KIF6: variants seen among roughly 807,000 people sequenced by gnomAD.
KIF6 encodes kinesin family member 6.
In KIF6, 106 loss-of-function variants were observed where a neutral mutation model predicts 112.7. The ratio of observed to expected loss-of-function variants is 0.94; its 90% CI spans 0.80 to 1.11. The LOEUF is 1.11. Among genes scored for constraint, KIF6 ranks in the 50% least tolerant of loss-of-function variants. KIF6 has a pLI of 0.00. For synonymous variants in KIF6, 339 were observed against 339.9 expected (o/e 1.00, Z 0.03); for missense variants, 929 against 964.0 (o/e 0.96, Z 0.48).
At chr6:39,725,050 C>G (rs1271140532) in intron 1 of KIF6, among the ~76,000 whole-genome samples, 195 bp downstream of exon 1, 2 of 152,186 alleles carry the variant, frequency 1.3e-5, no homozygotes, top group Non-Finnish European at 2.9e-5. Context: ...GCCTGGCTGT[C>G]GGTCGCGTAG....
intron 2 of KIF6, among the ~76,000 whole-genome samples, chr6:39,717,045 G>C (rs564570211): frequency 1.3e-5 from 2 of 152,168 alleles, no homozygotes; most frequent in South Asian, 4.2e-4. Context: ...TTTCTTGCCT[G>C]GTATCTCTTG....
intron 5 of KIF6, among the ~76,000 whole-genome samples, chr6:39,620,812 A>G (rs954782263): frequency 5.9e-5 from 9 of 151,768 alleles, no homozygotes; most frequent in African/African-American, 2.2e-4. Flanking sequence ...ACTGTTGCCC[A>G]GGCTGAAGTG....
chr6:39,695,228 A>G (rs1402387337), intron 3 of KIF6, among the ~76,000 whole-genome samples: 1 of 152,196 alleles, frequency 6.6e-6, no homozygotes, highest in Non-Finnish European at 1.5e-5. Context: ...AAGAAAACCT[A>G]GGAAATACCC....
intron 19 of KIF6, among the ~76,000 whole-genome samples, chr6:39,351,229 C>CTT (rs200524823): frequency 1.8e-5 from 1 of 54,326 alleles, no homozygotes; most frequent in Non-Finnish European, 4.2e-5. Context: ...TCTTTTCTTT[C>CTT]TTTTTTTTTT....
intron 13 of KIF6, among the ~76,000 whole-genome samples, chr6:39,515,387 T>C (rs17457401): frequency 0.46 from 70,193 of 152,102 alleles, 19,494 homozygotes; most frequent in African/African-American, 0.78. Flanking sequence ...TGTACCCACA[T>C]GAACTTGGCC....
chr6:39,522,592 G>A (rs1209010539), intron 13 of KIF6, among the ~76,000 whole-genome samples: 2 of 152,160 alleles, frequency 1.3e-5, no homozygotes, highest in Non-Finnish European at 1.5e-5. Flanking sequence ...CACTCTCTGA[G>A]ACTGCTTTGG....
chr6:39,592,772 T>C (rs1782025649), intron 7 of KIF6, among the ~76,000 whole-genome samples: 2 of 152,202 alleles, frequency 1.3e-5, no homozygotes, highest in South Asian at 2.1e-4. Context: ...AAACCAACCA[T>C]ACTCTGGCAA....
intron 6 of KIF6, among the ~76,000 whole-genome samples, chr6:39,599,462 T>C (rs1466524904): frequency 6.6e-6 from 1 of 152,166 alleles, no homozygotes; most frequent in Non-Finnish European, 1.5e-5. Context: ...TGGCATAGTT[T>C]TGGTGATGAT....
chr6:39,525,579 A>C (rs879744646), intron 13 of KIF6, among the ~76,000 whole-genome samples: 47 of 151,904 alleles, frequency 3.1e-4, no homozygotes, highest in Non-Finnish European at 5.6e-4. Flanking sequence ...ACATGGCAAA[A>C]CCCCGTCTCT....
At chr6:39,474,791 G>T (rs1175521409) in intron 13 of KIF6, among the ~76,000 whole-genome samples, 1 of 152,240 alleles carries the variant, frequency 6.6e-6, no homozygotes. Context: ...TGGATAAGTG[G>T]CAAGCCTCAT....
At position 39,398,673 on chromosome 6, in the gene KIF6, G is replaced by A. The variant is rs149398630; in HGVS notation, c.1811-13001C>T. Among the ~76,000 whole-genome samples, 130 of 152,322 alleles carry A rather than the reference G, an allele frequency of 8.5e-4. 1 individual carries two copies. The highest frequency in any genetic ancestry group is 2.9e-3 in the African/African-American group (121 of 41,576). On this transcript the variant is annotated intron_variant, in intron 15 of 22. Transcript: ENST00000287152. ...AGGTGCTTCTAAGTAAGAGTTAGAT[G>A]TTCTATTTAGTATTCTGTCTTCAGA...
intron 12 of KIF6, among the ~76,000 whole-genome samples, chr6:39,542,146 A>C (rs144074840): frequency 6.6e-6 from 1 of 152,290 alleles, no homozygotes; most frequent in East Asian, 1.9e-4. Context: ...TTCATTCTTC[A>C]TATCATGGGA....
intron 13 of KIF6, among the ~76,000 whole-genome samples, chr6:39,480,769 CCT>C (rs1774747886): frequency 6.6e-6 from 1 of 152,112 alleles, no homozygotes; most frequent in African/African-American, 2.4e-5. Context: ...TCTAATTCTT[CCT>C]GATTTAAGCT....
chr6:39,420,725 T>C (rs1244879960), intron 14 of KIF6, among the ~76,000 whole-genome samples: 1 of 152,214 alleles, frequency 6.6e-6, no homozygotes, highest in African/African-American at 2.4e-5. Flanking sequence ...GATACACGTA[T>C]CCACCCCGTC....
At chr6:39,720,979 C>T (rs62402464) in intron 1 of KIF6, among the ~76,000 whole-genome samples, 168 bp from the exon 2 acceptor site, 11,004 of 152,068 alleles carry the variant, frequency 0.072, 540 homozygotes, top group South Asian at 0.18. Flanking sequence ...TGGATTCAGA[C>T]AAATATATGG....
intron 3 of KIF6, among the ~76,000 whole-genome samples, chr6:39,677,600 T>C (rs1341230276): frequency 1.4e-5 from 2 of 147,858 alleles, no homozygotes; most frequent in East Asian, 3.9e-4. Flanking sequence ...GTTACATATG[T>C]ATACATGTGC....
chr6:39,566,622 T>A (rs1780294436), intron 10 of KIF6, among the ~76,000 whole-genome samples: 1 of 152,222 alleles, frequency 6.6e-6, no homozygotes, highest in African/African-American at 2.4e-5. Flanking sequence ...ATTAACAGTA[T>A]GCAATATTAC....
chr6:39,495,239 G>A (rs551559254), intron 13 of KIF6, among the ~76,000 whole-genome samples: 2 of 152,204 alleles, frequency 1.3e-5, no homozygotes, highest in Non-Finnish European at 2.9e-5. Context: ...TGTGTGCCAC[G>A]TCATCATACC....
chr6:39,698,956 G>GA (rs923848903), intron 3 of KIF6, among the ~76,000 whole-genome samples: 6 of 152,134 alleles, frequency 3.9e-5, no homozygotes, highest in Non-Finnish European at 7.4e-5. Flanking sequence ...GCACAACAAG[G>GA]AAAAACACCT....
Sources: allele counts gnomAD v4.1 joint callset (sites outside exome capture counted in the v4.1 genomes callset), GRCh38; gene constraint gnomAD v4.1.1; transcripts MANE v1.5; gene names NCBI Gene and HGNC (gene_info 2026-07-23, HGNC 2026-07-21).